The following DYNC1I1 variants were observed in gnomAD, a reference collection of about 807,000 sequenced individuals.
DYNC1I1 encodes cytoplasmic dynein 1 intermediate chain 1.
A neutral mutation model predicts 86.6 loss-of-function variants in DYNC1I1; 43 were observed. That is an observed-to-expected ratio of 0.50 (90% confidence interval 0.39 to 0.64). The LOEUF is 0.64. DYNC1I1 is among the 30% of genes least tolerant of loss of function. DYNC1I1 has a pLI of 0.00. For missense variants in DYNC1I1, 604 were observed against 788.8 expected, an observed-to-expected ratio of 0.77 and a Z score of 2.81; for synonymous variants, 262 against 283.7, an observed-to-expected ratio of 0.92 and a Z score of 0.77.
Position 95,883,029 on chromosome 7 carries a change from C to T in DYNC1I1, c.490+13031C>T, listed in dbSNP as rs146875496. ...AAAATTGAGTGATTTCATCCCTGTC[C>T]GGGTTTCCTAGTGAAATCTTGTATT... On this transcript the variant is annotated intron_variant, in intron 6 of 16. Coordinates refer to ENST00000447467, the MANE Select transcript of DYNC1I1 (RefSeq NM_001135556.2). Among the ~76,000 whole-genome samples the T allele has an allele frequency of 1.6e-4, 25 of 152,126 alleles. No homozygotes were observed. In the East Asian group the frequency reaches 3.3e-3, roughly 20 times the overall value.
At chr7:95,845,031 C>G (rs1266673218) in intron 5 of DYNC1I1, among the ~76,000 whole-genome samples, 1 of 152,158 alleles carries the variant, frequency 6.6e-6, no homozygotes, top group African/African-American at 2.4e-5. Flanking sequence ...CCAGGAATGA[C>G]CAAGTACAGT....
chr7:95,815,455 A>G (rs926740439), intron 4 of DYNC1I1, among the ~76,000 whole-genome samples: 1 of 152,202 alleles, frequency 6.6e-6, no homozygotes, highest in African/African-American at 2.4e-5. Context: ...AGTTTGCTTG[A>G]GGAGAACACA....
intron 16 of DYNC1I1, among the ~76,000 whole-genome samples, chr7:96,082,735 C>G (rs561525826): frequency 6.6e-6 from 1 of 152,082 alleles, no homozygotes; most frequent in South Asian, 2.1e-4. Flanking sequence ...GATTTTACAG[C>G]TTTTGGACAG....
In DYNC1I1 at chr7:96,097,656, C is replaced by T. The variant is rs1236200212; in HGVS notation, c.*63C>T. On this transcript the variant is annotated 3_prime_UTR_variant, in exon 17 of 17. Coordinates refer to ENST00000447467, the MANE Select transcript of DYNC1I1 (RefSeq NM_001135556.2). ...TGTCCTAGAGCTCAGCGTCTGCAGT[C>T]AAGTCTCTTGTATTCGGTGTCCATT... The T allele has an allele frequency of 4.4e-6, 7 of 1,602,272 alleles. No homozygotes were observed. The highest frequency in any genetic ancestry group is 4.3e-6 in the Non-Finnish European group (5 of 1,173,664).
Position 95,984,951 on chromosome 7 carries a change from C to T in DYNC1I1, c.717C>T (p.Ser239=), listed in dbSNP as rs200549128. Residue 239 remains serine (S), a synonymous_variant, in exon 8 of 17, where the codon AGC becomes AGT. Coordinates refer to ENST00000447467, the MANE Select transcript of DYNC1I1 (RefSeq NM_001135556.2). ...AEDSDIFFDY[S]GRELEEKDGD... ...ATTCCGACATCTTTTTTGACTACAG[C>T]GGCCGAGAGTTAGAGGAAAAAGATG... 3.5e-5 allele frequency: 56 copies of T among 1,612,988 alleles called. No homozygotes were observed. Among genetic ancestry groups the T allele is most frequent in the African/African-American group, 5.3e-5 (4 of 74,818 alleles).
intron 14 of DYNC1I1, among the ~76,000 whole-genome samples, chr7:96,059,544 A>G (rs1789700495): frequency 6.6e-6 from 1 of 152,176 alleles, no homozygotes; most frequent in Non-Finnish European, 1.5e-5. Flanking sequence ...ATTTGCAACC[A>G]TGGAATCCAT....
At chr7:95,952,058 G>A (rs1792574032) in intron 6 of DYNC1I1, among the ~76,000 whole-genome samples, 1 of 152,148 alleles carries the variant, frequency 6.6e-6, no homozygotes, top group Non-Finnish European at 1.5e-5. Context: ...TGAAGTGCTT[G>A]CTCTGGGCTC....
At chr7:96,020,474 A>G (rs1794516299) in intron 10 of DYNC1I1, among the ~76,000 whole-genome samples, 1 of 152,194 alleles carries the variant, frequency 6.6e-6, no homozygotes, top group Non-Finnish European at 1.5e-5. Flanking sequence ...ACACCATGGG[A>G]AAGACCTGCC....
At chr7:95,875,957 C>A (rs78823070) in intron 6 of DYNC1I1, among the ~76,000 whole-genome samples, 7,640 of 151,162 alleles carry the variant, frequency 0.051, 383 homozygotes, top group East Asian at 0.21. Flanking sequence ...TCCACCACAG[C>A]AGATCTCTTG....
chr7:95,987,981 A>G (rs1056854760), intron 9 of DYNC1I1, among the ~76,000 whole-genome samples: 1 of 152,164 alleles, frequency 6.6e-6, no homozygotes, highest in Non-Finnish European at 1.5e-5. Flanking sequence ...TTCATCATCT[A>G]ATACTATTCT....
chr7:96,043,701 G>A (rs797004925), intron 14 of DYNC1I1, among the ~76,000 whole-genome samples: 7 of 151,968 alleles, frequency 4.6e-5, no homozygotes, highest in African/African-American at 1.7e-4. Flanking sequence ...TATTCATGCA[G>A]TACTATTTTT....
At chr7:95,922,910 G>A (rs78275800) in intron 6 of DYNC1I1, among the ~76,000 whole-genome samples, 73 of 151,984 alleles carry the variant, frequency 4.8e-4, no homozygotes, top group African/African-American at 1.6e-3. Flanking sequence ...TTCTAAAGAC[G>A]TATTTTAGCT....
At chr7:96,104,911 C>G (rs903427218) in intron 16 of DYNC1I1, among the ~76,000 whole-genome samples, 1 of 152,032 alleles carries the variant, frequency 6.6e-6, no homozygotes, top group Non-Finnish European at 1.5e-5. Flanking sequence ...TTTAAAAAAA[C>G]ATACTGCTTG....
chr7:95,933,653 T>A (rs539644953), intron 6 of DYNC1I1, among the ~76,000 whole-genome samples: 3 of 152,270 alleles, frequency 2.0e-5, no homozygotes, highest in African/African-American at 7.2e-5. Flanking sequence ...GACACACCAT[T>A]TGAATCCAAA....
rs189434941 is a variant in DYNC1I1, at chr7:95,968,353, C to T, written c.491-9159C>T. On this transcript the variant is annotated intron_variant, in intron 6 of 16. Transcript: ENST00000447467. ...CCTATATATGCAGTGATTGATGTGA[C>T]AACAGCTCTAACATTAATAGTCAGA... Among the ~76,000 whole-genome samples the T allele has an allele frequency of 1.7e-4, 26 of 152,264 alleles. No homozygotes were observed. The East Asian group carries it at 4.2e-3, about 25-fold the overall frequency.
intron 14 of DYNC1I1, among the ~76,000 whole-genome samples, chr7:96,058,841 A>C: frequency 8.6e-6 from 1 of 116,376 alleles, no homozygotes; most frequent in Admixed American, 1.1e-4. Flanking sequence ...ACAGGGTTTC[A>C]CCATGTTGGC....
chr7:96,098,850 A>G (rs963988331), downstream of DYNC1I1, among the ~76,000 whole-genome samples: 63 of 152,224 alleles, frequency 4.1e-4, no homozygotes, highest in Non-Finnish European at 7.3e-4. Context: ...ATGAAAACAA[A>G]TAGCGGTTGA....
intron 6 of DYNC1I1, among the ~76,000 whole-genome samples, chr7:95,914,380 A>G (rs1193132777): frequency 1.3e-5 from 2 of 152,218 alleles, no homozygotes; most frequent in African/African-American, 4.8e-5. Flanking sequence ...GTTGTGGATT[A>G]TGGAAGAGAG....
chr7:96,059,299 C>T (rs75325164), intron 14 of DYNC1I1, among the ~76,000 whole-genome samples: 7,460 of 150,314 alleles, frequency 0.05, 263 homozygotes, highest in African/African-American at 0.11. Flanking sequence ...GGGGCCATTC[C>T]AAACAGTGAA....
Sources: allele counts gnomAD v4.1 joint callset (sites outside exome capture counted in the v4.1 genomes callset), GRCh38; gene constraint gnomAD v4.1.1; transcripts MANE v1.5; gene names NCBI Gene and HGNC (gene_info 2026-07-23, HGNC 2026-07-21).